Variants in ARSB observed in about 807,000 individuals in gnomAD.
ARSB encodes arylsulfatase B, also known as N-acetylgalactosamine-4-sulfatase.
ARSB carries 41 observed loss-of-function variants against 50.9 expected under a neutral mutation model. The observed-to-expected ratio is 0.81, with a 90% CI of 0.63 to 1.04. ARSB has a LOEUF of 1.04. Ranked by LOEUF, ARSB falls within the 50% of genes least tolerant of loss-of-function variation. The pLI, the probability that ARSB is intolerant of heterozygous loss-of-function variation, is 0.00. For missense variants in ARSB, 672 were observed against 693.3 expected, an observed-to-expected ratio of 0.97 and a Z score of 0.35; for synonymous variants, 269 against 284.8, an observed-to-expected ratio of 0.94 and a Z score of 0.56.
chr5:78,878,212 T>C (rs1371543541), intron 5 of ARSB, among the ~76,000 whole-genome samples: 2 of 152,196 alleles, frequency 1.3e-5, no homozygotes, highest in African/African-American at 4.8e-5. Flanking sequence ...CAGTATAATT[T>C]TTGAGAAGCT....
chr5:78,948,637 G>A (rs533829989), intron 4 of ARSB, among the ~76,000 whole-genome samples: 17 of 152,120 alleles, frequency 1.1e-4, no homozygotes, highest in Non-Finnish European at 2.2e-4. Context: ...GCTTTTTGAA[G>A]AGTCTATTTC....
intron 4 of ARSB, among the ~76,000 whole-genome samples, chr5:78,929,258 G>A (rs183459804): frequency 9.9e-5 from 15 of 152,148 alleles, no homozygotes; most frequent in Non-Finnish European, 1.8e-4. Context: ...CATGTTTTTG[G>A]TCCCTCCTTC....
At chr5:78,788,353 C>A (rs561199399) in intron 6 of ARSB, among the ~76,000 whole-genome samples, 1 of 152,238 alleles carries the variant, frequency 6.6e-6, no homozygotes, top group African/African-American at 2.4e-5. Context: ...TGAGCAACCC[C>A]TAGAAATTGG....
chr5:78,849,282 A>G (rs1048719229), intron 5 of ARSB, among the ~76,000 whole-genome samples: 6 of 152,104 alleles, frequency 3.9e-5, no homozygotes, highest in African/African-American at 7.2e-5. Context: ...CTTTCTACAT[A>G]TGGCTAGCCA....
intron 4 of ARSB, among the ~76,000 whole-genome samples, chr5:78,943,610 C>T (rs1344285631): frequency 1.3e-5 from 2 of 152,208 alleles, no homozygotes; most frequent in East Asian, 3.9e-4. Flanking sequence ...TTGGCCCCCA[C>T]TGTCTTCTGG....
chr5:78,796,490 T>G (rs1743181043), intron 6 of ARSB, among the ~76,000 whole-genome samples: 2 of 152,194 alleles, frequency 1.3e-5, no homozygotes, highest in South Asian at 4.1e-4. Flanking sequence ...GTGACAAATA[T>G]GATCAAGGCA....
At chr5:78,972,544 C>CACACA (rs1554088554) in intron 1 of ARSB, among the ~76,000 whole-genome samples, 17 of 147,612 alleles carry the variant, frequency 1.2e-4, no homozygotes, top group Non-Finnish European at 5.9e-5. Context: ...CACACACACA[C>CACACA]CCCAAATCAA....
chr5:78,855,709 A>T (rs1311325579), intron 5 of ARSB, among the ~76,000 whole-genome samples: 1 of 152,154 alleles, frequency 6.6e-6, no homozygotes, highest in African/African-American at 2.4e-5. Context: ...AGCTAGGCTT[A>T]GTGTCTGTGA....
chr5:78,812,407 G>A (rs1377502531), intron 6 of ARSB, among the ~76,000 whole-genome samples: 1 of 152,156 alleles, frequency 6.6e-6, no homozygotes, highest in Non-Finnish European at 1.5e-5. Flanking sequence ...ACCAGGCTGG[G>A]AAAGTTGTTT....
At chr5:78,890,223 A>C (rs1748224466) in intron 4 of ARSB, among the ~76,000 whole-genome samples, 1 of 151,024 alleles carries the variant, frequency 6.6e-6, no homozygotes, top group Admixed American at 6.6e-5. Flanking sequence ...AGATATTCAA[A>C]TTACATTCTG....
intron 1 of ARSB, among the ~76,000 whole-genome samples, chr5:78,980,866 T>C (rs1752873635): frequency 6.6e-6 from 1 of 151,874 alleles, no homozygotes; most frequent in South Asian, 2.1e-4. Context: ...ATTTCACAAA[T>C]AATGAATGAA....
intron 1 of ARSB, among the ~76,000 whole-genome samples, chr5:78,972,387 CT>C (rs1203520271): frequency 6.6e-6 from 1 of 152,120 alleles, no homozygotes; most frequent in Non-Finnish European, 1.5e-5. Context: ...AAAATGGTCC[CT>C]TTGTAAATAA....
intron 4 of ARSB, among the ~76,000 whole-genome samples, chr5:78,905,937 A>AG (rs1749046179): frequency 6.8e-6 from 1 of 147,354 alleles, no homozygotes; most frequent in Non-Finnish European, 1.5e-5. Flanking sequence ...AAAAAAAAAA[A>AG]GAGGAAAATA....
At chr5:78,785,287 G>A (rs535759103) in intron 6 of ARSB, among the ~76,000 whole-genome samples, 8 of 151,510 alleles carry the variant, frequency 5.3e-5, no homozygotes, top group Admixed American at 2.6e-4. Flanking sequence ...TTTCTAATAC[G>A]GACTATGAAT....
At chr5:78,879,312 G>C (rs1747634794) in intron 5 of ARSB, among the ~76,000 whole-genome samples, 1 of 152,170 alleles carries the variant, frequency 6.6e-6, no homozygotes. Flanking sequence ...AAACTACACA[G>C]AATTGGAAAG....
At chr5:78,832,699 C>G (rs932651734) in intron 6 of ARSB, among the ~76,000 whole-genome samples, 10 of 152,066 alleles carry the variant, frequency 6.6e-5, no homozygotes, top group African/African-American at 2.2e-4. Context: ...ACCCTATAAT[C>G]AGGAGCAGAA....
intron 5 of ARSB, 147 bp from the exon 6 acceptor site, chr5:78,839,573 G>T (rs1745103353): frequency 2.7e-6 from 2 of 730,248 alleles, no homozygotes; most frequent in Non-Finnish European, 4.8e-6. Flanking sequence ...CACAATCACG[G>T]CTGGTGCATC....
intron 4 of ARSB, among the ~76,000 whole-genome samples, chr5:78,934,350 C>A (rs1407884123): frequency 1.3e-5 from 2 of 152,032 alleles, no homozygotes; most frequent in Non-Finnish European, 2.9e-5. Flanking sequence ...CCTCCTATGT[C>A]CTTTACTATA....
At chr5:78,811,973 C>T (rs866412041) in intron 6 of ARSB, among the ~76,000 whole-genome samples, 1 of 151,942 alleles carries the variant, frequency 6.6e-6, no homozygotes, top group Non-Finnish European at 1.5e-5. Flanking sequence ...AATCCTGTAC[C>T]AGTGATTAAA....
Sources: gnomAD v4.1 joint callset for allele counts (sites outside exome capture counted in the v4.1 genomes callset) on GRCh38, gnomAD v4.1.1 for gene constraint, MANE v1.5 for transcripts, NCBI Gene and HGNC (gene_info 2026-07-23, HGNC 2026-07-21) for gene names.